The following STK32C variants were observed in gnomAD, a reference collection of about 807,000 sequenced individuals.
STK32C encodes serine/threonine-protein kinase 32C.
STK32C carries 31 observed loss-of-function variants against 56.5 expected under a neutral mutation model. The observed-to-expected ratio is 0.55, with a 90% CI of 0.41 to 0.74. The LOEUF (loss-of-function observed/expected upper bound fraction) is 0.74. Ranked by LOEUF, STK32C falls within the 30% of genes least tolerant of loss-of-function variation. The probability of loss-of-function intolerance (pLI) is 0.00; values close to 1 mark genes in which losing one functional copy is unlikely to be tolerated. For missense variants in STK32C, 544 were observed against 676.9 expected, an observed-to-expected ratio of 0.80 and a Z score of 2.18; for synonymous variants, 309 against 289.4, an observed-to-expected ratio of 1.07 and a Z score of -0.69.
intron 1 of STK32C, among the ~76,000 whole-genome samples, chr10:132,286,443 T>C (rs1346918388): frequency 1.3e-5 from 2 of 152,220 alleles, no homozygotes; most frequent in African/African-American, 2.4e-5. Context: ...GGCCAGCACA[T>C]GCCTGATGTC....
chr10:132,315,707 T>C (rs2066298362), intron 1 of STK32C, among the ~76,000 whole-genome samples: 1 of 152,238 alleles, frequency 6.6e-6, no homozygotes, highest in African/African-American at 2.4e-5. Flanking sequence ...GGCAACACTC[T>C]TAAGCAAGTT....
chr10:132,264,209 C>T (rs1251331443), intron 1 of STK32C, among the ~76,000 whole-genome samples: 1 of 152,230 alleles, frequency 6.6e-6, no homozygotes, highest in Non-Finnish European at 1.5e-5. Context: ...CACCACGGAA[C>T]TCTTCACTCT....
At chr10:132,224,029 G>A (rs1459849840) in intron 8 of STK32C, among the ~76,000 whole-genome samples, 1 of 152,204 alleles carries the variant, frequency 6.6e-6, no homozygotes, top group Non-Finnish European at 1.5e-5. Context: ...AGATAGCATG[G>A]GCTTGAACCC....
intron 1 of STK32C, among the ~76,000 whole-genome samples, chr10:132,325,809 C>T (rs2066488553): frequency 6.6e-6 from 1 of 151,382 alleles, no homozygotes; most frequent in Non-Finnish European, 1.5e-5. Context: ...GCAAGCTCCG[C>T]CTCCCGGGTT....
rs549344496 is a variant in STK32C at position 132,287,695 on chromosome 10, C to T, written c.262+19877G>A. Reference sequence around the variant, plus strand: ...CTCAAACTCCTGACCTCAGGTGATCCACCTGCCTCAGCCTCCCAAAGTACT... The same window carrying T: ...CTCAAACTCCTGACCTCAGGTGATCTACCTGCCTCAGCCTCCCAAAGTACT... On this transcript the variant is annotated intron_variant, in intron 1 of 11. Coordinates refer to ENST00000298630, the MANE Select transcript of STK32C (RefSeq NM_173575.4). 1.0e-3 allele frequency among the ~76,000 whole-genome samples: 154 copies of T among 151,962 alleles called. 4 individuals carry two copies. In the East Asian group the frequency reaches 0.028, roughly 28 times the overall value.
intron 2 of STK32C, among the ~76,000 whole-genome samples, chr10:132,232,348 C>T (rs536619291): frequency 6.6e-6 from 1 of 152,178 alleles, no homozygotes; most frequent in East Asian, 1.9e-4. Context: ...GTGAAGACAA[C>T]AGAGAAGAGG....
upstream of STK32C, chr10:132,307,975 T>C (rs1206556969): frequency 2.0e-6 from 2 of 986,788 alleles, no homozygotes; most frequent in Non-Finnish European, 2.4e-6. This position sits in a 1 kb window ranked among gnomAD's most constrained non-coding sequence, Gnocchi z 4.4. Context: ...GCCCCGTAGA[T>C]TGCGAGCGCT....
chr10:132,302,814 T>C (rs1044054008), intron 1 of STK32C, among the ~76,000 whole-genome samples: 1 of 152,168 alleles, frequency 6.6e-6, no homozygotes, highest in African/African-American at 2.4e-5. Flanking sequence ...CGGCAGCCCC[T>C]GGGCTCAGGA....
At chr10:132,231,447 C>T (rs2063097048) in intron 2 of STK32C, among the ~76,000 whole-genome samples, 2 of 152,212 alleles carry the variant, frequency 1.3e-5, no homozygotes, top group Admixed American at 1.3e-4. Context: ...AACTGCAGTT[C>T]AAGAAAAGCT....
intron 2 of STK32C, among the ~76,000 whole-genome samples, chr10:132,230,377 C>T (rs1053820652): frequency 7.9e-5 from 12 of 152,208 alleles, no homozygotes; most frequent in Admixed American, 2.6e-4. Context: ...CGCAGGAGGC[C>T]GAGGAGTCCC....
chr10:132,225,700 A>G, intron 5 of STK32C, 47 bp downstream of exon 5: 2 of 1,613,042 alleles, frequency 1.2e-6, no homozygotes, highest in Non-Finnish European at 1.7e-6. Context: ...TGACAGGCCC[A>G]TCCCTGCCAC....
chr10:132,331,855 C>T (rs779258325), upstream of STK32C: 8 of 1,409,692 alleles, frequency 5.7e-6, no homozygotes, highest in East Asian at 2.4e-5. Context: ...CGGATGCTAC[C>T]GTTGGCCGCG....
At chr10:132,230,343 C>G (rs566385415) in intron 2 of STK32C, among the ~76,000 whole-genome samples, 2 of 152,244 alleles carry the variant, frequency 1.3e-5, no homozygotes, top group African/African-American at 4.8e-5. Flanking sequence ...CTCGGCAGCA[C>G]GGCCTTCCTC....
intron 1 of STK32C, among the ~76,000 whole-genome samples, chr10:132,282,902 C>T (rs1590384847): frequency 1.3e-5 from 2 of 152,348 alleles, no homozygotes; most frequent in African/African-American, 4.8e-5. Flanking sequence ...GGTCAGGAGG[C>T]GGTGGGGGGT....
At chr10:132,239,707 C>T (rs895012265) in intron 2 of STK32C, among the ~76,000 whole-genome samples, 2 of 152,238 alleles carry the variant, frequency 1.3e-5, no homozygotes, top group African/African-American at 2.4e-5. Context: ...CCAGCAGACG[C>T]TGCTGGACAT....
At chr10:132,252,049 C>T (rs1276191073) in intron 1 of STK32C, among the ~76,000 whole-genome samples, 3 of 152,250 alleles carry the variant, frequency 2.0e-5, no homozygotes, top group Non-Finnish European at 4.4e-5. Context: ...CACGCCTCCC[C>T]CTCACATCCC....
chr10:132,313,150 A>C (rs892970285), intron 1 of STK32C, among the ~76,000 whole-genome samples: 1 of 152,236 alleles, frequency 6.6e-6, no homozygotes, highest in African/African-American at 2.4e-5. Flanking sequence ...TAGACACAAC[A>C]ACCAACCAGC....
intron 1 of STK32C, among the ~76,000 whole-genome samples, chr10:132,265,971 A>G (rs187306299): frequency 4.6e-5 from 7 of 152,314 alleles, no homozygotes; most frequent in African/African-American, 1.4e-4. Context: ...TTGCTGTGCC[A>G]CCCGGCAATT....
intron 1 of STK32C, among the ~76,000 whole-genome samples, chr10:132,302,121 G>A (rs370262592): frequency 8.5e-5 from 13 of 152,234 alleles, no homozygotes; most frequent in Admixed American, 2.0e-4. Context: ...TCCCGGCTCC[G>A]TGTGGAAGAA....
Sources: gnomAD v4.1 joint callset for allele counts (sites outside exome capture counted in the v4.1 genomes callset) on GRCh38, gnomAD v4.1.1 for gene constraint, Gnocchi (gnomAD v3.1) non-coding constraint, MANE v1.5 for transcripts, NCBI Gene and HGNC (gene_info 2026-07-23, HGNC 2026-07-21) for gene names.